Variants in MKX observed in about 807,000 individuals in gnomAD.
MKX encodes homeobox protein Mohawk.
MKX carries 13 observed loss-of-function variants against 36.0 expected under a neutral mutation model. That is an observed-to-expected ratio of 0.36 (90% CI 0.24 to 0.57). The LOEUF is 0.57. Ranked by LOEUF, MKX falls within the 20% of genes least tolerant of loss-of-function variation. The probability of loss-of-function intolerance (pLI) is 0.79; values close to 1 mark genes in which losing one functional copy is unlikely to be tolerated. For synonymous variants in MKX, 176 were observed against 178.3 expected, an observed-to-expected ratio of 0.99 and a Z score of 0.10; for missense variants, 458 against 456.4, an observed-to-expected ratio of 1.00 and a Z score of -0.03.
At chr10:27,730,646 C>T (rs150821605) in intron 5 of MKX, among the ~76,000 whole-genome samples, 7 of 151,668 alleles carry the variant, frequency 4.6e-5, no homozygotes, top group African/African-American at 1.7e-4. Context: ...TTAGTGGAGA[C>T]GGTGTTTCAC....
At chr10:27,709,378 G>C (rs1054831200) in intron 5 of MKX, among the ~76,000 whole-genome samples, 3 of 152,154 alleles carry the variant, frequency 2.0e-5, no homozygotes, top group Non-Finnish European at 4.4e-5. Context: ...TTTTACATAA[G>C]AGACTTGAGC....
At chr10:27,711,809 C>G (rs148601289) in intron 5 of MKX, among the ~76,000 whole-genome samples, 2 of 150,644 alleles carry the variant, frequency 1.3e-5, no homozygotes, top group Non-Finnish European at 1.5e-5. Context: ...TGGTCTTGAA[C>G]TCCTAGCCTC....
chr10:27,742,957 C>G lies in MKX; in HGVS notation c.188+271G>C, dbSNP rs11006698. On this transcript the variant is annotated intron_variant, in intron 2 of 6. Coordinates refer to ENST00000419761, the MANE Select transcript of MKX (RefSeq NM_173576.3). This position sits in a 1 kb window ranked among gnomAD's most constrained non-coding sequence, Gnocchi z 4.2. ...GCAAATAACCCCCAACTCCGAGGTC[C>G]AGGCAGCGGAGGGCCGAGGGGCAGC... Among the ~76,000 whole-genome samples the G allele has an allele frequency of 0.016, 2,436 of 152,334 alleles. 164 individuals are homozygous for G. The East Asian group carries it at 0.2, about 12-fold the overall frequency.
At chr10:27,722,627 T>C (rs942943685) in intron 5 of MKX, among the ~76,000 whole-genome samples, 1 of 152,216 alleles carries the variant, frequency 6.6e-6, no homozygotes, top group African/African-American at 2.4e-5. Context: ...TATAGCTTCC[T>C]GTGGTCTCAT....
chr10:27,707,260 TA>T (rs565131516), intron 5 of MKX, among the ~76,000 whole-genome samples: 4 of 147,462 alleles, frequency 2.7e-5, no homozygotes, highest in African/African-American at 7.3e-5. Flanking sequence ...CTTTCCTACA[TA>T]AAAAAAATTA....
intron 5 of MKX, among the ~76,000 whole-genome samples, chr10:27,677,392 A>G (rs1437744490): frequency 6.6e-6 from 1 of 152,308 alleles, no homozygotes; most frequent in Non-Finnish European, 1.5e-5. Flanking sequence ...CTAATTTCCA[A>G]TTCTGAGCTC....
chr10:27,698,849 G>GA (rs963840580), intron 5 of MKX, among the ~76,000 whole-genome samples: 13 of 149,850 alleles, frequency 8.7e-5, no homozygotes, highest in East Asian at 2.0e-4. Context: ...GTCGCATATA[G>GA]AAAAAAAAAG....
chr10:27,709,884 C>T (rs1190871372), intron 5 of MKX, among the ~76,000 whole-genome samples: 1 of 151,984 alleles, frequency 6.6e-6, no homozygotes, highest in Non-Finnish European at 1.5e-5. Flanking sequence ...GATGCACTTA[C>T]AGTAGAAAGA....
chr10:27,679,888 TTG>T (rs978662104), intron 5 of MKX, among the ~76,000 whole-genome samples: 9 of 152,092 alleles, frequency 5.9e-5, no homozygotes, highest in Non-Finnish European at 1.3e-4. Flanking sequence ...GTGCTGTGTG[TTG>T]TGTCTTTGCA....
chr10:27,732,767 C>T (rs1485457355), intron 5 of MKX, among the ~76,000 whole-genome samples: 1 of 152,108 alleles, frequency 6.6e-6, no homozygotes, highest in Non-Finnish European at 1.5e-5. Context: ...TTTTCTTTTG[C>T]AACAGGGTCT....
chr10:27,705,250 TA>T (rs9335644), intron 5 of MKX, among the ~76,000 whole-genome samples: 2 of 151,786 alleles, frequency 1.3e-5, no homozygotes, highest in African/African-American at 4.8e-5. Context: ...TACACAGCTG[TA>T]AAAAAAAGAA....
chr10:27,737,655 C>T (rs1298792721), intron 3 of MKX, among the ~76,000 whole-genome samples: 1 of 152,122 alleles, frequency 6.6e-6, no homozygotes, highest in East Asian at 1.9e-4. Flanking sequence ...CCAGTACTGT[C>T]TCCAGCAAGA....
At chr10:27,732,365 T>C (rs996038218) in intron 5 of MKX, among the ~76,000 whole-genome samples, 1 of 152,186 alleles carries the variant, frequency 6.6e-6, no homozygotes, top group Non-Finnish European at 1.5e-5. Context: ...TTTATGAACT[T>C]TTAATTTGTG....
intron 5 of MKX, among the ~76,000 whole-genome samples, chr10:27,681,847 G>C (rs1836260791): frequency 1.3e-5 from 2 of 151,872 alleles, no homozygotes; most frequent in African/African-American, 2.4e-5. Flanking sequence ...GCTTGAACCT[G>C]AGAGGCAGAG....
Position 27,734,756 on chromosome 10 carries a change from C to T in MKX, c.538G>A (p.Gly180Arg). 3 of 1,613,570 alleles carry T rather than the reference C, an allele frequency of 1.9e-6. No homozygotes were observed. The highest frequency in any genetic ancestry group is 2.5e-6 in the Non-Finnish European group (3 of 1,179,674). ...ENPPRTHMNE[G>R]GYNTPVHHPV... ...TGGTGAACTGGGGTATTATAGCCCCCTTCGTTCATGTGGGTTCTTGGAGGA... is the reference window on the plus strand; with the variant it reads ...TGGTGAACTGGGGTATTATAGCCCCTTTCGTTCATGTGGGTTCTTGGAGGA... The change falls in exon 5 of 7, where the codon GGG (glycine) becomes AGG (arginine). Residue 180 changes from glycine (G) to arginine (R), a missense_variant. By Grantham distance (125) the Gly-to-Arg change is moderately radical. Around this residue, in one of 3 missense-constraint regions of MKX, gnomAD observed 297 missense variants for 304.4 expected, o/e 0.98. Coordinates refer to ENST00000419761, the MANE Select transcript of MKX (RefSeq NM_173576.3).
At chr10:27,727,906 A>AAAT (rs1453800848) in intron 5 of MKX, among the ~76,000 whole-genome samples, 1 of 152,218 alleles carries the variant, frequency 6.6e-6, no homozygotes, top group Non-Finnish European at 1.5e-5. Flanking sequence ...GAAGAGAAGA[A>AAAT]AATTCTCTAT....
At chr10:27,703,467 A>G (rs1008653755) in intron 5 of MKX, among the ~76,000 whole-genome samples, 2 of 152,122 alleles carry the variant, frequency 1.3e-5, no homozygotes, top group Non-Finnish European at 2.9e-5. Context: ...TAACACCACT[A>G]AGGTCAATGG....
chr10:27,711,430 TC>T (rs1836851798), intron 5 of MKX, among the ~76,000 whole-genome samples: 1 of 69,856 alleles, frequency 1.4e-5, no homozygotes, highest in Non-Finnish European at 2.6e-5. Flanking sequence ...CTTTCTTTTC[TC>T]TTTCTTTCTT....
intron 5 of MKX, among the ~76,000 whole-genome samples, chr10:27,689,787 A>G (rs1836420144): frequency 6.6e-6 from 1 of 152,132 alleles, no homozygotes; most frequent in African/African-American, 2.4e-5. Context: ...GAAGAAAGGT[A>G]GCCTCCAAAA....
Sources: gnomAD v4.1 joint callset for allele counts (sites outside exome capture counted in the v4.1 genomes callset) on GRCh38, gnomAD v4.1.1 for gene constraint, gnomAD v4.1.1 regional missense constraint, Gnocchi (gnomAD v3.1) non-coding constraint, MANE v1.5 for transcripts, NCBI Gene and HGNC (gene_info 2026-07-23, HGNC 2026-07-21) for gene names.